The following CORO7 variants were observed in gnomAD, a reference collection of about 807,000 sequenced individuals.
CORO7 encodes the protein coronin-7.
A neutral mutation model predicts 126.6 loss-of-function variants in CORO7; 107 were observed. The ratio of observed to expected loss-of-function variants is 0.85; its 90% CI spans 0.72 to 0.99. The LOEUF (loss-of-function observed/expected upper bound fraction) is 0.99, where lower values mean the gene tolerates loss of function less well. CORO7 is among the 50% of genes least tolerant of loss of function. CORO7 has a pLI of 0.00. For synonymous variants in CORO7, 603 were observed against 536.8 expected (o/e 1.12, Z -1.70); for missense variants, 1,314 against 1,255.8 (o/e 1.05, Z -0.70).
chr16:4,357,559 T>C (rs186313211), intron 25 of CORO7: 10 of 348,046 alleles, frequency 2.9e-5, no homozygotes, highest in Middle Eastern at 1.7e-3. Context: ...TTTCACCATG[T>C]TGGCCAGGCT....
At chr16:4,369,385 G>A (rs1490320511) in intron 9 of CORO7, among the ~76,000 whole-genome samples, 1 of 152,248 alleles carries the variant, frequency 6.6e-6, no homozygotes, top group African/African-American at 2.4e-5. Flanking sequence ...GAGGGCCAGA[G>A]GTGGTAAGAG....
chr16:4,362,549 G>A lies in CORO7; in HGVS notation c.1402+63C>T. On this transcript the variant is annotated intron_variant, in intron 15 of 27. Transcript: ENST00000251166. This position sits in a 1 kb window ranked among gnomAD's most constrained non-coding sequence, Gnocchi z 5.3. Reference sequence around the variant, plus strand: ...TCAGCAGTAGGGTACACAGGAGGATGACGGGGAGTGGGGCAGACAGGGCTC... The same window carrying A: ...TCAGCAGTAGGGTACACAGGAGGATAACGGGGAGTGGGGCAGACAGGGCTC... 6.7e-7 allele frequency: 1 copy of A among 1,485,284 alleles called. No individual in the cohort carries two copies. The highest frequency in any genetic ancestry group is 8.9e-7 in the Non-Finnish European group (1 of 1,119,322). The allele number at this position is 1,485,284 out of a possible 1,614,324, so 92.0% of individuals were successfully genotyped here.
chr16:4,381,315 G>A (rs1399636026), intron 9 of CORO7: 11 of 1,611,588 alleles, frequency 6.8e-6, no homozygotes, highest in Admixed American at 1.7e-5. Flanking sequence ...CCTTCGACAC[G>A]CTCGACCGCC....
intron 26 of CORO7, chr16:4,356,833 G>C (rs1231610751): frequency 3.1e-6 from 1 of 320,874 alleles, no homozygotes; most frequent in Admixed American, 4.7e-5. Context: ...GAGAGGCTGC[G>C]GCATGTGGCA....
chr16:4,359,556 A>G lies in CORO7; in HGVS notation c.2174T>C (p.Leu725Ser). 1 of 1,613,114 alleles carries G rather than the reference A, an allele frequency of 6.2e-7. No individual in the cohort carries two copies. Among genetic ancestry groups the G allele is most frequent in the South Asian group, 1.1e-5 (1 of 91,050 alleles). The stretch of plus-strand genomic sequence containing the variant: ...GGTTGAGGGAGCCACGTCCAGGCCC[A>G]ACACTGCCAAGGGTCCGCCGGCCAG... ...EALAGGPLAV[L>S]GLDVAPSTLL... Residue 725 changes from leucine (L) to serine (S), a missense_variant, in exon 22 of 28, where the codon TTG becomes TCG. Leu to Ser is a moderately radical substitution (Grantham distance 145, BLOSUM62 -2). Transcript: ENST00000251166.
intron 26 of CORO7, chr16:4,355,659 G>A (rs112842084): frequency 2.4e-4 from 90 of 368,878 alleles, no homozygotes; most frequent in African/African-American, 1.4e-3. Flanking sequence ...TAGTAGAGAC[G>A]GGGGTTTCAC....
In CORO7 at chr16:4,359,742, G is replaced by A. The variant is rs2054098240; in HGVS notation, c.2109-121C>T. The A allele has an allele frequency of 1.2e-5, 16 of 1,300,842 alleles. 1 individual carries two copies. In the South Asian group the frequency reaches 1.8e-4, roughly 15 times the overall value. The allele number at this position is 1,300,842 out of a possible 1,614,324, so 80.6% of individuals were successfully genotyped here. On this transcript the variant is annotated intron_variant, in intron 21 of 27. Transcript: ENST00000251166. Reference sequence around the variant, plus strand: ...TTGTAGGCGAGGCCTAGTGTGGCCCGGCACCGCAGCCACATCCTAACCTGC... The same window carrying A: ...TTGTAGGCGAGGCCTAGTGTGGCCCAGCACCGCAGCCACATCCTAACCTGC...
intron 9 of CORO7, among the ~76,000 whole-genome samples, chr16:4,370,915 A>C (rs1216859540): frequency 2.0e-5 from 3 of 152,218 alleles, no homozygotes; most frequent in Non-Finnish European, 4.4e-5. Context: ...TCAGGAGCTG[A>C]GCTGGGCCCC....
chr16:4,398,003 C>A (rs1324408383), intron 6 of CORO7, among the ~76,000 whole-genome samples: 1 of 152,062 alleles, frequency 6.6e-6, no homozygotes. Context: ...TGCAAATCAA[C>A]CTCCTGGACT....
intron 6 of CORO7, among the ~76,000 whole-genome samples, chr16:4,398,610 G>A (rs777835549): frequency 6.7e-6 from 1 of 149,832 alleles, no homozygotes; most frequent in Non-Finnish European, 1.5e-5. Context: ...AGGTTGCAGT[G>A]AACCGAGATC....
At chr16:4,399,902 G>T (rs147214494) in intron 6 of CORO7, among the ~76,000 whole-genome samples, 259 of 152,140 alleles carry the variant, frequency 1.7e-3, no homozygotes, top group African/African-American at 6.0e-3. Context: ...TAAAAAAATA[G>T]CTATTAGCCC....
At chr16:4,402,554 G>A (rs1261071389) in intron 6 of CORO7, among the ~76,000 whole-genome samples, 2 of 152,184 alleles carry the variant, frequency 1.3e-5, no homozygotes, top group Non-Finnish European at 2.9e-5. Context: ...CACCCGCCCA[G>A]CCCTGTGAAC....
intron 6 of CORO7, among the ~76,000 whole-genome samples, chr16:4,404,642 T>C (rs1186919825): frequency 6.6e-6 from 1 of 151,992 alleles, no homozygotes; most frequent in Non-Finnish European, 1.5e-5. Flanking sequence ...TAGCGCCCCC[T>C]CTCTGCCACA....
chr16:4,392,149 C>T (rs537365170), intron 7 of CORO7, among the ~76,000 whole-genome samples: 2 of 152,310 alleles, frequency 1.3e-5, no homozygotes, highest in South Asian at 4.1e-4. Context: ...CCCCTCCCGC[C>T]CAGACAAGGG....
At chr16:4,399,189 T>C (rs567107452) in intron 6 of CORO7, among the ~76,000 whole-genome samples, 13 of 152,302 alleles carry the variant, frequency 8.5e-5, no homozygotes, top group African/African-American at 3.1e-4. Context: ...TGCACACCCA[T>C]GTTCATAGCA....
At chr16:4,395,453 G>GCAGGGCTGCCATCACACAC (rs1403533845) in intron 6 of CORO7, 114 bp from the exon 7 acceptor site, 3 of 1,396,398 alleles carry the variant, frequency 2.1e-6, no homozygotes, top group Admixed American at 3.9e-5. Flanking sequence ...TCCCCAGCAC[G>GCAGGGCTGCCATCACACAC]CAGGGCTGCC....
intron 4 of CORO7, 56 bp from the exon 5 acceptor site, chr16:4,407,740 C>A: frequency 1.3e-6 from 2 of 1,498,054 alleles, no homozygotes; most frequent in South Asian, 1.4e-5. Flanking sequence ...TGCCTTGAGT[C>A]AGCTGCCGTG....
rs750579955 is a variant in CORO7, at chr16:4,360,305, C to T, written c.2081G>A (p.Arg694His). ...GTCAAAGCCAGACACCAGCAGACAG[C>T]GACCATCACATACCCAGACAATGCG... The part of the protein sequence containing the change: ...GARIVWVCDG[R>H]CLLVSGFDSQ... The change falls in exon 21 of 28, where the codon CGC (arginine) becomes CAC (histidine). Residue 694 changes from arginine to histidine, a missense_variant. Transcript: ENST00000251166. 5.0e-6 allele frequency: 8 copies of T among 1,613,640 alleles called. No homozygotes were observed. The highest frequency in any genetic ancestry group is 6.8e-6 in the Non-Finnish European group (8 of 1,179,984).
intron 7 of CORO7, among the ~76,000 whole-genome samples, chr16:4,390,524 G>A (rs1461327069): frequency 2.0e-5 from 3 of 152,210 alleles, no homozygotes; most frequent in African/African-American, 7.2e-5. Flanking sequence ...ATGGGAACTG[G>A]CATCTGCAAA....
Sources: gnomAD v4.1 joint callset for allele counts (sites outside exome capture counted in the v4.1 genomes callset) on GRCh38, gnomAD v4.1.1 for gene constraint, Gnocchi (gnomAD v3.1) non-coding constraint, MANE v1.5 for transcripts, NCBI Gene and HGNC (gene_info 2026-07-23, HGNC 2026-07-21) for gene names.